HUWE1: variants seen among roughly 807,000 people sequenced by gnomAD.
The protein encoded by HUWE1 is E3 ubiquitin-protein ligase HUWE1.
A neutral mutation model predicts 299.4 loss-of-function variants in HUWE1; 18 were observed. The observed-to-expected ratio is 0.06, with a 90% CI of 0.04 to 0.09. The LOEUF is 0.09. Among genes scored for constraint, HUWE1 ranks in the 10% least tolerant of loss-of-function variants. HUWE1 has a pLI of 1.00. For missense variants in HUWE1, 1,832 were observed against 3,462.3 expected, an observed-to-expected ratio of 0.53 and a Z score of 11.82; for synonymous variants, 1,317 against 1,286.1, an observed-to-expected ratio of 1.02 and a Z score of -0.51.
At position 53,536,747 on chromosome X, in the gene HUWE1, G is replaced by C. The variant is rs2234476; in HGVS notation, c.12138-80C>G. ...CAGTCATTTGTGTGAGTGAGAGACT[G>C]TGAAGCAGTGTCTGGGGAGTGCAGT... is the stretch of plus-strand genomic sequence containing the variant. On this transcript the variant is annotated intron_variant, in intron 78 of 83. Coordinates refer to ENST00000262854, the MANE Select transcript of HUWE1 (RefSeq NM_031407.7). The C allele has an allele frequency of 2.6e-3, 2,225 of 872,064 alleles. 38 individuals are homozygous for C. In the African/African-American group the frequency reaches 0.04, roughly 16 times the overall value. The allele number at this position is 872,064 out of a possible 1,213,427, so 71.9% of individuals were successfully genotyped here. A position where few individuals can be genotyped will look rare whatever the true frequency, so the allele number is the denominator to read the frequency against.
chrX:53,556,210 C>T (rs1422966964), intron 60 of HUWE1: 1 of 342,294 alleles, frequency 2.9e-6, no homozygotes, highest in Non-Finnish European at 5.9e-6. Flanking sequence ...GGCAACACTG[C>T]TAAGACTAAG....
chrX:53,553,927 T>A (rs1168369500), intron 61 of HUWE1, among the ~76,000 whole-genome samples: 2 of 111,693 alleles, frequency 1.8e-5, no homozygotes, highest in Non-Finnish European at 3.8e-5. Context: ...AGAGCAGGGA[T>A]GGCAAGCAGG....
chrX:53,644,927 T>C (rs1443280030), intron 7 of HUWE1, among the ~76,000 whole-genome samples: 1 of 111,918 alleles, frequency 8.9e-6, no homozygotes, highest in Non-Finnish European at 1.9e-5. Context: ...AACCCTGAAG[T>C]AGATATGTTA....
At chrX:53,612,815 C>T (rs1557003637) in intron 23 of HUWE1, among the ~76,000 whole-genome samples, 1 of 111,468 alleles carries the variant, frequency 9.0e-6, no homozygotes. Context: ...GTGGATAGAA[C>T]ACAGTGATAC....
intron 33 of HUWE1, among the ~76,000 whole-genome samples, chrX:53,592,178 C>G (rs2064200876): frequency 8.9e-6 from 1 of 111,826 alleles, no homozygotes; most frequent in Admixed American, 9.5e-5. Context: ...GAATACTCAT[C>G]AACATGCTTG....
chrX:53,594,387 C>T, intron 31 of HUWE1, 112 bp downstream of exon 31: 1 of 815,541 alleles, frequency 1.2e-6, no homozygotes. Flanking sequence ...ATAGCTATTT[C>T]TATATATCCC....
chrX:53,673,662 C>T (rs1364432947), intron 3 of HUWE1, among the ~76,000 whole-genome samples: 3 of 111,462 alleles, frequency 2.7e-5, no homozygotes, highest in African/African-American at 6.5e-5. Context: ...CTTGTGGCAT[C>T]GTGTTGAAAC....
At position 53,551,344 on chromosome X, in the gene HUWE1, A is replaced by G; in HGVS notation, c.9018T>C (p.Pro3006=). 1 of 1,209,857 alleles carries G rather than the reference A, an allele frequency of 8.3e-7. No individual in the cohort carries two copies. Among genetic ancestry groups the G allele is most frequent in the Non-Finnish European group, 1.1e-6 (1 of 894,582 alleles). The change falls in exon 64 of 84, where the codon CCT becomes CCC. Residue 3006 remains proline, a synonymous_variant. Transcript: ENST00000262854. ...RTAPSTNSSA[P]AVVGNPGVTE... ...TCACACCAGGATTCCCCACCACTGCAGGCGCTGAGCTATTTGTGGAGGGGG... is the reference window on the plus strand; with the variant it reads ...TCACACCAGGATTCCCCACCACTGCGGGCGCTGAGCTATTTGTGGAGGGGG...
intron 62 of HUWE1, 89 bp from the exon 63 acceptor site, chrX:53,552,530 G>C (rs1320454438): frequency 2.5e-6 from 3 of 1,200,286 alleles, no homozygotes; most frequent in Admixed American, 4.3e-5. Flanking sequence ...ACAGAAACCA[G>C]CTTTATCTCC....
chrX:53,564,991 A>T, intron 50 of HUWE1, 76 bp downstream of exon 50: 1 of 1,062,446 alleles, frequency 9.4e-7, no homozygotes. Context: ...AACACCACCA[A>T]GCCAGAACAG....
rs2064271390 is a variant in HUWE1 at position 53,593,409 on chromosome X, G to C, written c.3696C>G (p.Asn1232Lys). The C allele has an allele frequency of 8.3e-7, 1 of 1,210,801 alleles. No homozygotes were observed. The change falls in exon 32 of 84, where the codon AAC (asparagine) becomes AAG (lysine). Residue 1232 changes from asparagine to lysine, a missense_variant. This residue lies in a region of HUWE1 where 658 missense variants were observed against 1,282.6 expected (regional missense o/e 0.51). Transcript: ENST00000262854. ...AGCGCAGTGCACTGAACTGGGGAAA[G>C]TTCTGGACACCTCCAGGCAATTTGG... is the stretch of plus-strand genomic sequence containing the variant. ...LPAKLPGGVQNFPQFSALRFL... is the reference protein window; with the variant it reads ...LPAKLPGGVQKFPQFSALRFL...
chrX:53,685,519 G>C (rs781840833), intron 2 of HUWE1, among the ~76,000 whole-genome samples: 3 of 112,006 alleles, frequency 2.7e-5, no homozygotes, highest in South Asian at 3.7e-4. Flanking sequence ...CTTATAGATA[G>C]GAAAACTGCC....
At chrX:53,560,077 T>C (rs2062216015) in intron 56 of HUWE1, 111 bp downstream of exon 56, 1 of 667,944 alleles carries the variant, frequency 1.5e-6, no homozygotes, top group Non-Finnish European at 2.3e-6. Flanking sequence ...TTTGTGTGTA[T>C]GACAAGAACA....
At position 53,659,559 on chromosome X, in the gene HUWE1, G is replaced by C. The variant is rs141312595; in HGVS notation, c.-24-5428C>G. 2.6e-3 allele frequency among the ~76,000 whole-genome samples: 288 copies of C among 111,953 alleles called. 1 individual carries two copies. The highest frequency in any genetic ancestry group is 0.014 in the Middle Eastern group (3 of 217). ...TTAGTGGGGAGGGAAGAATGAAGAG[G>C]TGGAGCGCAGAGGATTTTTTGGCCA... On this transcript the variant is annotated intron_variant, in intron 3 of 83. Coordinates refer to ENST00000262854, the MANE Select transcript of HUWE1 (RefSeq NM_031407.7).
At chrX:53,597,273 T>G (rs2064537309) in intron 29 of HUWE1, among the ~76,000 whole-genome samples, 1 of 108,232 alleles carries the variant, frequency 9.2e-6, no homozygotes, top group Non-Finnish European at 1.9e-5. Flanking sequence ...AGAACATCAT[T>G]GAGAAAGGGT....
Position 53,546,559 on chromosome X carries a change from A to G in HUWE1, c.10792T>C (p.Leu3598=), listed in dbSNP as rs781928819. ...LTSHSCSEEG[L]EDAANVLLQL... ...AGTAGTACGTTGGCTGCATCCTCTAAGCCTTCCTCAGAACAAGAGTGGGAT... is the reference window on the plus strand; with the variant it reads ...AGTAGTACGTTGGCTGCATCCTCTAGGCCTTCCTCAGAACAAGAGTGGGAT... The change falls in exon 70 of 84, where the codon TTA becomes CTA. Residue 3598 remains leucine (L), a synonymous_variant. Transcript: ENST00000262854. 8.3e-7 allele frequency: 1 copy of G among 1,208,033 alleles called. No individual in the cohort carries two copies. The highest frequency in any genetic ancestry group is 2.2e-5 in the Admixed American group (1 of 45,619).
chrX:53,637,705 T>C (rs183254569), intron 7 of HUWE1, among the ~76,000 whole-genome samples: 1 of 112,493 alleles, frequency 8.9e-6, no homozygotes, highest in East Asian at 2.8e-4. Context: ...TGTGCTGTTG[T>C]TATATTTATG....
chrX:53,600,612 G>A (rs914449716), intron 28 of HUWE1, among the ~76,000 whole-genome samples: 7 of 112,588 alleles, frequency 6.2e-5, no homozygotes, highest in African/African-American at 1.9e-4. Context: ...ACTACAGTGT[G>A]CACAGTACCC....
intron 19 of HUWE1, among the ~76,000 whole-genome samples, chrX:53,618,573 T>C (rs1451252625): frequency 1.8e-5 from 2 of 108,176 alleles, no homozygotes; most frequent in Admixed American, 2.0e-4. Context: ...TTCTTTTTTT[T>C]TTTTTTTTTT....
Sources: gnomAD v4.1 joint callset for allele counts (sites outside exome capture counted in the v4.1 genomes callset) on GRCh38, gnomAD v4.1.1 for gene constraint, gnomAD v4.1.1 regional missense constraint, MANE v1.5 for transcripts, NCBI Gene and HGNC (gene_info 2026-07-23, HGNC 2026-07-21) for gene names.